KCNE1: variants seen among roughly 807,000 people sequenced by gnomAD.
KCNE1 encodes the protein potassium voltage-gated channel subfamily E regulatory subunit 1.
In KCNE1, 1 loss-of-function variant was observed where a neutral mutation model predicts 2.9. The ratio of observed to expected loss-of-function variants is 0.34; its 90% confidence interval spans 0.12 to 1.62. The LOEUF (loss-of-function observed/expected upper bound fraction) is 1.62. KCNE1 is among the 40% of genes most tolerant of loss of function. KCNE1 has a pLI of 0.36. For missense variants in KCNE1, 45 were observed against 150.5 expected (o/e 0.30, Z 3.67); for synonymous variants, 23 against 65.4 (o/e 0.35, Z 3.13).
chr21:34,495,952 T>C (rs1601092382), intron 2 of KCNE1, among the ~76,000 whole-genome samples: 1 of 152,334 alleles, frequency 6.6e-6, no homozygotes, highest in East Asian at 1.9e-4. Flanking sequence ...TTTCTCTAGT[T>C]CCTTGAGGGT....
chr21:34,504,628 A>G (rs1218132019), intron 2 of KCNE1, among the ~76,000 whole-genome samples: 1 of 152,270 alleles, frequency 6.6e-6, no homozygotes, highest in Non-Finnish European at 1.5e-5. Context: ...GCATAGCAGC[A>G]TTATTCATAG....
intron 2 of KCNE1, chr21:34,510,474 C>A (rs935006579): frequency 6.6e-6 from 1 of 152,468 alleles, no homozygotes; most frequent in African/African-American, 2.4e-5. Context: ...ACTTGTCTGA[C>A]AGCCTCTCTT....
intron 2 of KCNE1, among the ~76,000 whole-genome samples, chr21:34,496,703 A>G (rs1982831551): frequency 6.6e-6 from 1 of 151,952 alleles, no homozygotes; most frequent in African/African-American, 2.4e-5. Flanking sequence ...GTTTAAGTTC[A>G]TTGTTTCTTT....
intron 2 of KCNE1, chr21:34,510,134 A>C (rs552318690): frequency 6.6e-6 from 1 of 152,214 alleles, no homozygotes; most frequent in African/African-American, 2.4e-5. Flanking sequence ...GGGCCAGTTC[A>C]CCCCTCACGC....
At chr21:34,500,488 C>CT in intron 2 of KCNE1, among the ~76,000 whole-genome samples, 1 of 152,294 alleles carries the variant, frequency 6.6e-6, no homozygotes, top group East Asian at 1.9e-4. Context: ...TTTCTCTGAT[C>CT]TTTTTTATTT....
chr21:34,510,145 G>T (rs115387947), intron 2 of KCNE1: 2,329 of 152,486 alleles, frequency 0.015, 50 homozygotes, highest in African/African-American at 0.053. Context: ...CCCCTCACGC[G>T]GAAGTGGCAG....
intron 2 of KCNE1, among the ~76,000 whole-genome samples, chr21:34,501,627 G>C (rs1365279682): frequency 6.6e-6 from 1 of 152,120 alleles, no homozygotes; most frequent in Non-Finnish European, 1.5e-5. Flanking sequence ...TATAGTTTTT[G>C]GGTCCAAGAG....
chr21:34,502,974 G>A (rs1176937616), intron 2 of KCNE1, among the ~76,000 whole-genome samples: 2 of 152,180 alleles, frequency 1.3e-5, no homozygotes, highest in Non-Finnish European at 2.9e-5. Context: ...GATAGATGGG[G>A]ATTTTTCCCA....
intron 2 of KCNE1, among the ~76,000 whole-genome samples, chr21:34,506,928 G>T (rs1048807737): frequency 6.6e-6 from 1 of 152,222 alleles, no homozygotes; most frequent in East Asian, 1.9e-4. Flanking sequence ...AAGCTGGAAA[G>T]TCAGAGGAAA....
At chr21:34,508,190 CTTTTTTTTTTTTTTT>C (rs796940352) in intron 2 of KCNE1, among the ~76,000 whole-genome samples, 4 of 137,606 alleles carry the variant, frequency 2.9e-5, no homozygotes, top group Non-Finnish European at 6.3e-5. Context: ...CCACTCCTAG[CTTTTTTTTTTTTTTT>C]TCTGTAGAGG....
chr21:34,500,985 G>C (rs968566237), intron 2 of KCNE1, among the ~76,000 whole-genome samples: 1 of 152,176 alleles, frequency 6.6e-6, no homozygotes, highest in Non-Finnish European at 1.5e-5. Flanking sequence ...GATAAGGAAG[G>C]TAAGACCTTT....
chr21:34,506,817 C>T (rs1007397715), intron 2 of KCNE1, among the ~76,000 whole-genome samples: 2 of 152,070 alleles, frequency 1.3e-5, no homozygotes, highest in African/African-American at 4.8e-5. Flanking sequence ...TGCAGGAGCC[C>T]GGAGCAGAGA....
At chr21:34,506,908 G>A (rs1267848388) in intron 2 of KCNE1, among the ~76,000 whole-genome samples, 1 of 152,200 alleles carries the variant, frequency 6.6e-6, no homozygotes, top group Admixed American at 6.5e-5. Context: ...GGGTCCTGAA[G>A]AATGATTTGA....
At chr21:34,507,854 T>C (rs1283038383) in intron 2 of KCNE1, among the ~76,000 whole-genome samples, 2 of 152,172 alleles carry the variant, frequency 1.3e-5, no homozygotes, top group Admixed American at 1.3e-4. Context: ...ACGACACCAC[T>C]ACCTGGAATT....
intron 2 of KCNE1, chr21:34,510,050 C>T (rs1012063834): frequency 6.6e-6 from 1 of 152,194 alleles, no homozygotes; most frequent in Non-Finnish European, 1.5e-5. Context: ...AAGCACTGTC[C>T]CACAGTAGTA....
intron 2 of KCNE1, among the ~76,000 whole-genome samples, chr21:34,495,709 G>T (rs1181862081): frequency 6.6e-6 from 1 of 151,552 alleles, no homozygotes; most frequent in Non-Finnish European, 1.5e-5. Flanking sequence ...TATTTCTGTG[G>T]TGTCAGTTGT....
intron 2 of KCNE1, among the ~76,000 whole-genome samples, chr21:34,507,167 C>A (rs1407474512): frequency 6.6e-6 from 1 of 151,960 alleles, no homozygotes; most frequent in Non-Finnish European, 1.5e-5. Context: ...ATGGGGGAAG[C>A]TTTGCTTATA....
At chr21:34,498,354 C>G (rs961274943) in intron 2 of KCNE1, among the ~76,000 whole-genome samples, 8 of 152,248 alleles carry the variant, frequency 5.3e-5, no homozygotes, top group African/African-American at 1.9e-4. Flanking sequence ...AGATCTGGAA[C>G]TCAAGGGCTG....
At chr21:34,498,379 T>C (rs922354740) in intron 2 of KCNE1, among the ~76,000 whole-genome samples, 2 of 152,272 alleles carry the variant, frequency 1.3e-5, no homozygotes. Context: ...TCACATTCTT[T>C]TGTCCCACAG....
Sources: allele counts gnomAD v4.1 joint callset (sites outside exome capture counted in the v4.1 genomes callset), GRCh38; gene constraint gnomAD v4.1.1; transcripts MANE v1.5; gene names NCBI Gene and HGNC (gene_info 2026-07-23, HGNC 2026-07-21).